Variants in CADM2 observed in about 807,000 individuals in gnomAD.
CADM2 encodes the protein immunoglobulin superfamily member 4D.
In CADM2, 12 loss-of-function variants were observed where a neutral mutation model predicts 49.8. The observed-to-expected ratio is 0.24, with a 90% CI of 0.15 to 0.39. CADM2 has a LOEUF of 0.39. Ranked by LOEUF, CADM2 falls within the 10% of genes least tolerant of loss-of-function variation. CADM2 has a pLI of 1.00. For missense variants in CADM2, 378 were observed against 492.3 expected, an observed-to-expected ratio of 0.77 and a Z score of 2.20; for synonymous variants, 214 against 175.4, an observed-to-expected ratio of 1.22 and a Z score of -1.74.
chr3:86,021,215 G>A lies in CADM2; in HGVS notation c.971-44390G>A, dbSNP rs575411456. 1.8e-3 allele frequency among the ~76,000 whole-genome samples: 272 copies of A among 152,210 alleles called. 2 individuals carry two copies. The highest frequency in any genetic ancestry group is 3.4e-3 in the Non-Finnish European group (230 of 68,018). ...AGGTTTTGCCATGTTGGCCAGGCTG[G>A]TCTCGAACTCCTGACCTCAAGTGAT... is the stretch of plus-strand genomic sequence containing the variant. On this transcript the variant is annotated intron_variant, in intron 8 of 9. Transcript: ENST00000383699.
intron 1 of CADM2, among the ~76,000 whole-genome samples, chr3:85,397,057 A>C (rs2034827245): frequency 6.6e-6 from 1 of 152,044 alleles, no homozygotes; most frequent in Admixed American, 6.6e-5. Context: ...CTCCTACAAC[A>C]CAACAACAAC....
At chr3:85,563,865 T>C (rs2062174717) in intron 1 of CADM2, among the ~76,000 whole-genome samples, 1 of 152,172 alleles carries the variant, frequency 6.6e-6, no homozygotes, top group African/African-American at 2.4e-5. Flanking sequence ...CCCTGATTGG[T>C]ATAAACAAGC....
chr3:85,122,992 A>G (rs1224178053), intron 1 of CADM2, among the ~76,000 whole-genome samples: 6 of 152,142 alleles, frequency 3.9e-5, no homozygotes, highest in Admixed American at 2.6e-4. Context: ...ACACAATAAT[A>G]TGACATATTT....
At chr3:85,455,129 A>G (rs77090706) in intron 1 of CADM2, among the ~76,000 whole-genome samples, 1 of 152,228 alleles carries the variant, frequency 6.6e-6, no homozygotes, top group African/African-American at 2.4e-5. Flanking sequence ...GCTTCCCAAA[A>G]AGGAATTTGT....
intron 1 of CADM2, among the ~76,000 whole-genome samples, chr3:85,690,148 A>C (rs942473104): frequency 7.2e-5 from 11 of 152,320 alleles, no homozygotes; most frequent in African/African-American, 2.6e-4. Context: ...GAACTGATAA[A>C]TTAGTGATAG....
intron 1 of CADM2, among the ~76,000 whole-genome samples, chr3:85,294,283 T>G (rs1447661216): frequency 2.6e-5 from 4 of 151,874 alleles, no homozygotes; most frequent in Admixed American, 2.6e-4. Flanking sequence ...CTCAAGGAAA[T>G]AAAAGAGGAT....
chr3:85,722,591 A>G (rs2067547899), intron 1 of CADM2, among the ~76,000 whole-genome samples: 1 of 152,206 alleles, frequency 6.6e-6, no homozygotes, highest in Admixed American at 6.5e-5. Context: ...TTGACGAATA[A>G]CTTTCTAACA....
chr3:85,658,906 G>A (rs886698365), intron 1 of CADM2, among the ~76,000 whole-genome samples: 1 of 150,600 alleles, frequency 6.6e-6, no homozygotes, highest in South Asian at 2.1e-4. Flanking sequence ...AAAGCAATTA[G>A]CCAGGCACAG....
chr3:85,078,201 A>G (rs2037022228), intron 1 of CADM2, among the ~76,000 whole-genome samples: 1 of 152,046 alleles, frequency 6.6e-6, no homozygotes, highest in Non-Finnish European at 1.5e-5. Flanking sequence ...CTTTCTTTAA[A>G]TGATCCTATT....
chr3:85,237,864 T>C (rs1454206848), intron 1 of CADM2, among the ~76,000 whole-genome samples: 1 of 151,884 alleles, frequency 6.6e-6, no homozygotes, highest in Non-Finnish European at 1.5e-5. Context: ...TAATGTTATA[T>C]AATTAATTGC....
chr3:85,300,047 T>C (rs1331312571), intron 1 of CADM2, among the ~76,000 whole-genome samples: 1 of 152,120 alleles, frequency 6.6e-6, no homozygotes, highest in Non-Finnish European at 1.5e-5. Context: ...TTTACATGTT[T>C]TTCTCATTTA....
chr3:85,919,917 C>G (rs116640195), intron 6 of CADM2, among the ~76,000 whole-genome samples: 1 of 151,850 alleles, frequency 6.6e-6, no homozygotes, highest in Admixed American at 6.6e-5. Flanking sequence ...TTCAGTTGTT[C>G]GTATCTTCTT....
At chr3:85,231,725 T>C (rs2042293977) in intron 1 of CADM2, among the ~76,000 whole-genome samples, 1 of 147,208 alleles carries the variant, frequency 6.8e-6, no homozygotes, top group Non-Finnish European at 1.5e-5. Context: ...TTTTTTTTTG[T>C]TTTTGAGATG....
chr3:86,013,673 G>T (rs1371815098), intron 8 of CADM2: 1 of 1,602,266 alleles, frequency 6.2e-7, no homozygotes, highest in Non-Finnish European at 8.5e-7. Flanking sequence ...ACCTAACTGT[G>T]TTGGTGGGGT....
intron 1 of CADM2, among the ~76,000 whole-genome samples, chr3:85,564,559 G>T (rs547448891): frequency 1.7e-4 from 26 of 151,894 alleles, no homozygotes; most frequent in African/African-American, 6.3e-4. Context: ...TTAATGATAC[G>T]ATTTAAATAA....
chr3:85,342,988 CT>C (rs1462761034), intron 1 of CADM2, among the ~76,000 whole-genome samples: 2 of 152,058 alleles, frequency 1.3e-5, no homozygotes, highest in Non-Finnish European at 2.9e-5. Flanking sequence ...ATGAGTTTTG[CT>C]TTTTTCCATA....
In CADM2 at chr3:85,646,527, T is replaced by C. The variant is rs565121803; in HGVS notation, c.62-79995T>C. On this transcript the variant is annotated intron_variant, in intron 1 of 9. Transcript: ENST00000383699. ...TGTTTCATACAGTCATATCAAATTC[T>C]CATCACTGTATCAACTGATTTTAGA... 9.9e-5 allele frequency among the ~76,000 whole-genome samples: 15 copies of C among 152,114 alleles called. No homozygotes were observed. In the East Asian group the frequency reaches 2.3e-3, roughly 24 times the overall value.
In CADM2 at chr3:86,072,040, A is replaced by C. The variant is rs1703312380; in HGVS notation, c.*5257A>C. ...TCATCCTTATTAATAAATAATCCTC[A>C]TATAATGCACAGTATTGCCACAAAT... is the stretch of plus-strand genomic sequence containing the variant. On this transcript the variant is annotated 3_prime_UTR_variant, in exon 10 of 10. Coordinates refer to ENST00000383699, the MANE Select transcript of CADM2 (RefSeq NM_001167675.2). The C allele has an allele frequency of 6.6e-6, 1 of 151,830 alleles. No individual in the cohort carries two copies. The highest frequency in any genetic ancestry group is 2.4e-5 in the African/African-American group (1 of 41,364). The allele number at this position is 151,830 out of a possible 1,614,324, so 9.4% of individuals were successfully genotyped here. A position where few individuals can be genotyped will look rare whatever the true frequency, so the allele number is the denominator to read the frequency against.
intron 1 of CADM2, among the ~76,000 whole-genome samples, chr3:85,338,870 CTT>C (rs1384304031): frequency 6.6e-6 from 1 of 151,476 alleles, no homozygotes; most frequent in African/African-American, 2.4e-5. Context: ...ATAGATCACA[CTT>C]TTTTTCTTAT....
Sources: allele counts gnomAD v4.1 joint callset (sites outside exome capture counted in the v4.1 genomes callset), GRCh38; gene constraint gnomAD v4.1.1; transcripts MANE v1.5; gene names NCBI Gene and HGNC (gene_info 2026-07-23, HGNC 2026-07-21).